Variants in DMD observed in about 807,000 individuals in gnomAD.
DMD encodes dystrophin.
DMD carries 63 observed loss-of-function variants against 330.1 expected under a neutral mutation model. The observed-to-expected ratio is 0.19, with a 90% CI of 0.16 to 0.24. DMD has a LOEUF of 0.24. DMD is among the 10% of genes least tolerant of loss of function. The pLI, the probability that DMD is intolerant of heterozygous loss-of-function variation, is 1.00. For synonymous variants in DMD, 1,223 were observed against 959.8 expected, an observed-to-expected ratio of 1.27 and a Z score of -5.07; for missense variants, 3,344 against 2,684.1, an observed-to-expected ratio of 1.25 and a Z score of -5.43.
intron 34 of DMD, among the ~76,000 whole-genome samples, chrX:32,376,350 C>G (rs2097902941): frequency 9.0e-6 from 1 of 111,674 alleles, no homozygotes; most frequent in South Asian, 3.8e-4. Flanking sequence ...TAATTCATCT[C>G]AATGCTAGTA....
At chrX:32,621,084 G>A (rs1416090898) in intron 11 of DMD, among the ~76,000 whole-genome samples, 2 of 111,704 alleles carry the variant, frequency 1.8e-5, no homozygotes, top group Non-Finnish European at 3.8e-5. Flanking sequence ...CAGGCCATTA[G>A]TTGGTTATAA....
At chrX:32,828,662 T>TAC (rs1374959262) in intron 4 of DMD, among the ~76,000 whole-genome samples, 1 of 109,482 alleles carries the variant, frequency 9.1e-6, no homozygotes, top group East Asian at 3.0e-4. Flanking sequence ...CATATATACA[T>TAC]ACACACACAT....
intron 52 of DMD, among the ~76,000 whole-genome samples, chrX:31,698,435 T>C (rs1375847099): frequency 8.9e-6 from 1 of 112,246 alleles, no homozygotes; most frequent in Non-Finnish European, 1.9e-5. Flanking sequence ...TGTAACCTTG[T>C]ACAAAGCTAG....
At chrX:32,702,818 CCA>C (rs753654053) in intron 7 of DMD, among the ~76,000 whole-genome samples, 4 of 111,101 alleles carry the variant, frequency 3.6e-5, no homozygotes, top group African/African-American at 1.3e-4. Flanking sequence ...ATCATTTACT[CCA>C]CAGTCTTTGG....
At chrX:33,191,525 C>T (rs1048375556) in intron 1 of DMD, among the ~76,000 whole-genome samples, 3 of 110,472 alleles carry the variant, frequency 2.7e-5, no homozygotes, top group Admixed American at 1.9e-4. Context: ...CTGGGTTCAA[C>T]GGATTCTTCT....
At position 32,224,302 on chromosome X, in the gene DMD, TCTC is replaced by T. The variant is rs201182902; in HGVS notation, c.6291-7242_6291-7240del. Among the ~76,000 whole-genome samples the T allele has an allele frequency of 6.9e-3, 766 of 111,469 alleles. 6 individuals are homozygous for T. The South Asian group carries it at 0.089, about 13-fold the overall frequency. ...TCTTACCCTATATTAATTAACATAT[TCTC>T]CTCTATTTTACTGTAAAAGCTTTAT... On this transcript the variant is annotated intron_variant, in intron 43 of 78. Coordinates refer to ENST00000357033, the MANE Select transcript of DMD (RefSeq NM_004006.3).
At chrX:32,726,939 A>C (rs1177727362) in intron 7 of DMD, among the ~76,000 whole-genome samples, 1 of 110,669 alleles carries the variant, frequency 9.0e-6, no homozygotes, top group Non-Finnish European at 1.9e-5. Context: ...GGACACCAAA[A>C]GTGAGCCCAA....
At chrX:32,432,985 C>T (rs1316980877) in intron 29 of DMD, among the ~76,000 whole-genome samples, 1 of 112,041 alleles carries the variant, frequency 8.9e-6, no homozygotes, top group East Asian at 2.8e-4. Context: ...GGCATAACAA[C>T]TTACAGACAT....
At chrX:31,186,129 C>G (rs970652817) in intron 67 of DMD, among the ~76,000 whole-genome samples, 1 of 111,865 alleles carries the variant, frequency 8.9e-6, no homozygotes, top group African/African-American at 3.3e-5. Flanking sequence ...GTCATTACCC[C>G]TAATTCTAAA....
intron 7 of DMD, among the ~76,000 whole-genome samples, chrX:32,705,906 G>A (rs954128579): frequency 2.7e-5 from 3 of 110,065 alleles, no homozygotes; most frequent in African/African-American, 6.6e-5. Context: ...AAATCATGCT[G>A]CTATAAAGAC....
Position 32,199,748 on chromosome X carries a change from G to A in DMD, c.6438+17168C>T, listed in dbSNP as rs750834754. Among the ~76,000 whole-genome samples, 32 of 106,555 alleles carry A rather than the reference G, an allele frequency of 3.0e-4. No individual in the cohort carries two copies. In the South Asian group the frequency reaches 0.013, roughly 44 times the overall value. 92.5% of individuals were successfully genotyped at this position (106,555 alleles called of 115,157 possible). On this transcript the variant is annotated intron_variant, in intron 44 of 78. Transcript: ENST00000357033. ...CCCGCCTCAGCCTCCTGAGTAGCTG[G>A]GACTATCAGCAAGCGCCACCACGCA...
Position 32,394,916 on chromosome X carries a change from C to CAAAACAAAAAAAA in DMD, c.4234-4736_4234-4735insTTTTTTTTGTTTT, listed in dbSNP as rs2098030291. Among the ~76,000 whole-genome samples the CAAAACAAAAAAAA allele has an allele frequency of 6.4e-4, 25 of 39,049 alleles. 1 individual carries two copies. Among genetic ancestry groups the CAAAACAAAAAAAA allele is most frequent in the Middle Eastern group, 0.012 (1 of 81 alleles). 33.9% of individuals were successfully genotyped at this position (39,049 alleles called of 115,157 possible). On this transcript the variant is annotated intron_variant, in intron 30 of 78. Transcript: ENST00000357033. ...CAAAGAAGAGCAAAAAACAAAAAAACAAAAAAAAAAAAAAAAAGAAAAGAA... is the reference window on the plus strand; with the variant it reads ...CAAAGAAGAGCAAAAAACAAAAAAACAAAACAAAAAAAAAAAAAAAAAAAAAAAAAGAAAAGAA...
intron 1 of DMD, among the ~76,000 whole-genome samples, chrX:33,107,832 T>A (rs900063278): frequency 8.9e-6 from 1 of 111,870 alleles, no homozygotes; most frequent in African/African-American, 3.2e-5. Context: ...ATAATGACTT[T>A]AAATGCATGT....
Position 32,411,910 on chromosome X carries a change from C to T in DMD, c.4075G>A (p.Val1359Ile). The change falls in exon 30 of 79, where the codon GTA becomes ATA. Residue 1359 changes from valine (V) to isoleucine (I), a missense_variant. Coordinates refer to ENST00000357033, the MANE Select transcript of DMD (RefSeq NM_004006.3). ...TGTTCAAGCAACTTTTGCCTCCTTA[C>T]AGCCTAAAAAGAAGGAATAAGAGTG... ...SRWRELHEEA[V>I]RRQKLLEQSI... The T allele has an allele frequency of 4.1e-6, 5 of 1,210,292 alleles. No individual in the cohort carries two copies. The highest frequency in any genetic ancestry group is 5.6e-6 in the Non-Finnish European group (5 of 894,687).
intron 44 of DMD, among the ~76,000 whole-genome samples, chrX:32,098,027 A>G (rs1364014654): frequency 1.8e-5 from 2 of 111,639 alleles, no homozygotes; most frequent in African/African-American, 6.5e-5. Context: ...ATGACCATAA[A>G]TTAAAAATAA....
intron 61 of DMD, 29 bp from the exon 62 acceptor site, chrX:31,323,687 G>A: frequency 8.6e-7 from 1 of 1,162,346 alleles, no homozygotes; most frequent in Non-Finnish European, 1.2e-6. Context: ...AAAAAGAAAG[G>A]CAAGGAGGTC....
intron 62 of DMD, among the ~76,000 whole-genome samples, chrX:31,309,420 G>C (rs1214439891): frequency 2.7e-5 from 3 of 111,943 alleles, no homozygotes; most frequent in African/African-American, 9.7e-5. Flanking sequence ...TCCTGACCCT[G>C]GCCTTTTCTT....
intron 11 of DMD, among the ~76,000 whole-genome samples, chrX:32,623,685 C>A (rs1225589445): frequency 9.1e-6 from 1 of 109,881 alleles, no homozygotes; most frequent in Non-Finnish European, 1.9e-5. Context: ...ACCACCTTCC[C>A]TGGCAAATTT....
At chrX:32,778,656 C>T (rs927854907) in intron 7 of DMD, among the ~76,000 whole-genome samples, 1 of 111,444 alleles carries the variant, frequency 9.0e-6, no homozygotes, top group Non-Finnish European at 1.9e-5. Flanking sequence ...CTTTTATAGA[C>T]CTCCAATATT....
Sources: allele counts gnomAD v4.1 joint callset (sites outside exome capture counted in the v4.1 genomes callset), GRCh38; gene constraint gnomAD v4.1.1; transcripts MANE v1.5; gene names NCBI Gene and HGNC (gene_info 2026-07-23, HGNC 2026-07-21).